The following INKA2 variants were observed in gnomAD, a reference collection of about 807,000 sequenced individuals.
INKA2 encodes the protein PAK4-inhibitor INKA2.
Under a neutral mutation model 9.8 loss-of-function variants are expected in INKA2, and 3 were observed. That is an observed-to-expected ratio of 0.31 (90% CI 0.14 to 0.79). The LOEUF is 0.79. Ranked by LOEUF, INKA2 falls within the 30% of genes least tolerant of loss-of-function variation. The probability of loss-of-function intolerance (pLI) is 0.62; values close to 1 mark genes in which losing one functional copy is unlikely to be tolerated. For missense variants in INKA2, 392 were observed against 384.4 expected, an observed-to-expected ratio of 1.02 and a Z score of -0.17; for synonymous variants, 147 against 143.3, an observed-to-expected ratio of 1.03 and a Z score of -0.18.
At position 111,723,374 on chromosome 1, in the gene INKA2, T is replaced by C; in HGVS notation, c.*3594A>G. 2.3e-6 allele frequency: 1 copy of C among 433,106 alleles called. No homozygotes were observed. Among genetic ancestry groups the C allele is most frequent in the Non-Finnish European group, 4.1e-6 (1 of 245,614 alleles). The allele number at this position is 433,106 out of a possible 1,614,324, so 26.8% of individuals were successfully genotyped here. ...GTCTGAGGGAGAGGGAAAAGAGAGGTCCCAAGTCTGAAAGGTTGGGAAGAG... is the reference window on the plus strand; with the variant it reads ...GTCTGAGGGAGAGGGAAAAGAGAGGCCCCAAGTCTGAAAGGTTGGGAAGAG... On this transcript the variant is annotated 3_prime_UTR_variant, in exon 2 of 2. Transcript: ENST00000357260.
Position 111,727,014 on chromosome 1 carries a change from T to C in INKA2, c.848A>G (p.Glu283Gly), listed in dbSNP as rs1450729925. Residue 283 changes from glutamate to glycine, a missense_variant, in exon 2 of 2, where the codon GAG (glutamate) becomes GGG (glycine). Coordinates refer to ENST00000357260, the MANE Select transcript of INKA2 (RefSeq NM_019099.5). ...NPPTSCPKAL[E>G]HSPSGFDINT... ...AATATCAAATCCTGAGGGTGAGTGC[T>C]CCAGGGCCTTGGGGCAGCTTGTGGG... The C allele has an allele frequency of 5.0e-6, 8 of 1,613,882 alleles. No homozygotes were observed. The highest frequency in any genetic ancestry group is 4.4e-5 in the South Asian group (4 of 91,054).
chr1:111,742,639 G>A (rs1208006222), upstream of INKA2, among the ~76,000 whole-genome samples: 2 of 152,256 alleles, frequency 1.3e-5, no homozygotes, highest in African/African-American at 2.4e-5. Context: ...GCAGGGGAAT[G>A]TTTACCCCAT....
chr1:111,743,459 C>A (rs2101385751), upstream of INKA2, among the ~76,000 whole-genome samples: 1 of 152,316 alleles, frequency 6.6e-6, no homozygotes, highest in Non-Finnish European at 1.5e-5. Context: ...AGGTGGCCCC[C>A]TTTGTCCCAC....
At chr1:111,748,447 G>A (rs1403136393) in intron 1 of INKA2, among the ~76,000 whole-genome samples, 7 of 152,214 alleles carry the variant, frequency 4.6e-5, no homozygotes, top group Non-Finnish European at 2.9e-5. Context: ...TCGAGAGCAC[G>A]GTTCTAAATG....
chr1:111,745,289 ATATATTTTT>A (rs1245409329), intron 1 of INKA2: 3 of 52,678 alleles, frequency 5.7e-5, no homozygotes, highest in African/African-American at 2.8e-4. Context: ...ATATATATAT[ATATATTTTT>A]TTTTTTTTTT....
chr1:111,725,194 C>G lies in INKA2; in HGVS notation c.*1774G>C, dbSNP rs1662739908. 6.6e-6 allele frequency: 1 copy of G among 152,178 alleles called. No homozygotes were observed. The highest frequency in any genetic ancestry group is 2.4e-5 in the African/African-American group (1 of 41,416). 9.4% of individuals were successfully genotyped at this position (152,178 alleles called of 1,614,324 possible). ...GCCTTTTCTTACTATTTTGCCTCTC[C>G]AACTGGCTATTAATGCTTTGAGGGT... On this transcript the variant is annotated 3_prime_UTR_variant, in exon 2 of 2. Coordinates refer to ENST00000357260, the MANE Select transcript of INKA2 (RefSeq NM_019099.5).
chr1:111,731,644 G>A (rs1463606476), intron 1 of INKA2, among the ~76,000 whole-genome samples: 1 of 152,164 alleles, frequency 6.6e-6, no homozygotes, highest in African/African-American at 2.4e-5. Flanking sequence ...AAGCTGCCGC[G>A]CCCAGCCAAA....
Position 111,739,220 on chromosome 1 carries a change from A to G in INKA2, c.23T>C (p.Met8Thr). The change falls in exon 1 of 2, where the codon ATG becomes ACG. Residue 8 changes from methionine (M) to threonine (T), a missense_variant. Coordinates refer to ENST00000357260, the MANE Select transcript of INKA2 (RefSeq NM_019099.5). ...TTTGAGGCGACGGAGATAGCAGTCC[A>G]TTTCCCTGCTCTCCATCGTCATGCG... is the stretch of plus-strand genomic sequence containing the variant. Reference protein sequence around the residue: MTMESREMDCYLRRLKQE... With the variant: MTMESRETDCYLRRLKQE... The G allele has an allele frequency of 1.9e-6, 3 of 1,613,378 alleles. No individual in the cohort carries two copies. The highest frequency in any genetic ancestry group is 2.5e-6 in the Non-Finnish European group (3 of 1,179,652).
chr1:111,723,164 A>G lies in INKA2; in HGVS notation c.*3804T>C, dbSNP rs780733841. The G allele has an allele frequency of 1.5e-6, 1 of 684,242 alleles. No homozygotes were observed. The highest frequency in any genetic ancestry group is 1.5e-5 in the South Asian group (1 of 65,104). 42.4% of individuals were successfully genotyped at this position (684,242 alleles called of 1,614,324 possible). Reference sequence around the variant, plus strand: ...TCTGGCTGCTCTGGAGAAGGTGGGGACAAGGTGTGCTCTTGCTCTTGTCCA... The same window carrying G: ...TCTGGCTGCTCTGGAGAAGGTGGGGGCAAGGTGTGCTCTTGCTCTTGTCCA... On this transcript the variant is annotated 3_prime_UTR_variant, in exon 2 of 2. Coordinates refer to ENST00000357260, the MANE Select transcript of INKA2 (RefSeq NM_019099.5).
chr1:111,752,848 C>A (rs2101404138), intron 1 of INKA2, among the ~76,000 whole-genome samples: 1 of 152,254 alleles, frequency 6.6e-6, no homozygotes, highest in South Asian at 2.1e-4. Flanking sequence ...TGCCCACCAC[C>A]ACGCCCGGCT....
upstream of INKA2, among the ~76,000 whole-genome samples, chr1:111,741,232 G>C (rs759858234): frequency 6.6e-6 from 1 of 152,116 alleles, no homozygotes; most frequent in Non-Finnish European, 1.5e-5. Flanking sequence ...ACACCTTTCA[G>C]CCTAGCCCCA....
Position 111,725,966 on chromosome 1 carries a change from AC to A in INKA2, c.*1001del, listed in dbSNP as rs1662760327. 8 of 394,218 alleles carry A rather than the reference AC, an allele frequency of 2.0e-5. No individual in the cohort carries two copies. Among genetic ancestry groups the A allele is most frequent in the Non-Finnish European group, 3.1e-5 (7 of 223,542 alleles). The allele number at this position is 394,218 out of a possible 1,614,324, so 24.4% of individuals were successfully genotyped here. On this transcript the variant is annotated 3_prime_UTR_variant, in exon 2 of 2. Coordinates refer to ENST00000357260, the MANE Select transcript of INKA2 (RefSeq NM_019099.5). ...TGGCCAGGCTGGTCATGAACTCCTG[AC>A]CCCAGGTAATCCGCCTGCCTTGCCC...
intron 1 of INKA2, among the ~76,000 whole-genome samples, chr1:111,736,078 G>A (rs534221091): frequency 1.6e-4 from 25 of 152,326 alleles, no homozygotes; most frequent in Admixed American, 3.9e-4. Context: ...CTGTGCGTAC[G>A]GAACAGCTGG....
chr1:111,727,244 C>T lies in INKA2; in HGVS notation c.618G>A (p.Leu206=), dbSNP rs1557908355. The T allele has an allele frequency of 1.9e-6, 3 of 1,614,216 alleles. No homozygotes were observed. The highest frequency in any genetic ancestry group is 2.5e-6 in the Non-Finnish European group (3 of 1,180,024). The change falls in exon 2 of 2, where the codon CTG becomes CTA. Residue 206 remains leucine, a synonymous_variant. Coordinates refer to ENST00000357260, the MANE Select transcript of INKA2 (RefSeq NM_019099.5). ...AGAACTTCTTAAAGATGTTTGCTGT[C>T]AGGGCGAACCTGCGGCCCAGCTCCT... ...QPQELGRRFA[L]TANIFKKFLR...
In INKA2 at chr1:111,722,983, T is replaced by G; in HGVS notation, c.*3985A>C. The G allele has an allele frequency of 1.3e-5, 9 of 677,010 alleles. No individual in the cohort carries two copies. Among genetic ancestry groups the G allele is most frequent in the East Asian group, 2.8e-5 (1 of 36,204 alleles). 41.9% of individuals were successfully genotyped at this position (677,010 alleles called of 1,614,324 possible). On this transcript the variant is annotated 3_prime_UTR_variant, in exon 2 of 2. Coordinates refer to ENST00000357260, the MANE Select transcript of INKA2 (RefSeq NM_019099.5). ...GCCCCACATTATCACCTTTCACAGA[T>G]GAGAAACACAAGGTTCAGAGAGATC...
intron 1 of INKA2, among the ~76,000 whole-genome samples, chr1:111,732,673 T>G (rs1662935072): frequency 6.6e-6 from 1 of 151,842 alleles, no homozygotes; most frequent in Non-Finnish European, 1.5e-5. Context: ...TGGGAATCCC[T>G]CCTGTGAAAA....
At chr1:111,730,314 A>G (rs1433248159) in intron 1 of INKA2, among the ~76,000 whole-genome samples, 3 of 152,020 alleles carry the variant, frequency 2.0e-5, no homozygotes, top group African/African-American at 7.3e-5. Flanking sequence ...TGTCTTCCCA[A>G]CTAGAGCCTC....
chr1:111,741,327 C>G (rs1355282264), upstream of INKA2, among the ~76,000 whole-genome samples: 1 of 152,194 alleles, frequency 6.6e-6, no homozygotes, highest in Non-Finnish European at 1.5e-5. Context: ...TGAACTTGGT[C>G]GGTGACCGCT....
In INKA2 at chr1:111,726,517, A is replaced by C; in HGVS notation, c.*451T>G. 1 of 195,788 alleles carries C rather than the reference A, an allele frequency of 5.1e-6. No homozygotes were observed. The highest frequency in any genetic ancestry group is 1.0e-5 in the Non-Finnish European group (1 of 95,932). 12.1% of individuals were successfully genotyped at this position (195,788 alleles called of 1,614,324 possible). A position where few individuals can be genotyped will look rare whatever the true frequency, so the allele number is the denominator to read the frequency against. ...AAGCTGACAGAAGGTTGGGAGAGCC[A>C]TAGACAGGTCTTTATTTGGGGGCCT... On this transcript the variant is annotated 3_prime_UTR_variant, in exon 2 of 2. Transcript: ENST00000357260.
Sources: allele counts gnomAD v4.1 joint callset (sites outside exome capture counted in the v4.1 genomes callset), GRCh38; gene constraint gnomAD v4.1.1; transcripts MANE v1.5; gene names NCBI Gene and HGNC (gene_info 2026-07-23, HGNC 2026-07-21).